CTIF: variants seen among roughly 807,000 people sequenced by gnomAD.
CTIF encodes the protein CBP80/20-dependent translation initiation factor.
CTIF carries 21 observed loss-of-function variants against 66.0 expected under a neutral mutation model. The observed-to-expected ratio is 0.32, with a 90% CI of 0.23 to 0.46. The LOEUF is 0.46. CTIF is among the 20% of genes least tolerant of loss of function. CTIF has a pLI of 1.00. For synonymous variants in CTIF, 345 were observed against 326.4 expected (o/e 1.06, Z -0.62); for missense variants, 739 against 812.7 (o/e 0.91, Z 1.10).
chr18:48,677,963 T>C (rs1459825948), intron 6 of CTIF, among the ~76,000 whole-genome samples: 2 of 152,210 alleles, frequency 1.3e-5, no homozygotes, highest in Non-Finnish European at 2.9e-5. Context: ...TTTATTCTAT[T>C]ATTATTTCAC....
intron 1 of CTIF, among the ~76,000 whole-genome samples, chr18:48,587,223 A>G (rs938600334): frequency 6.6e-6 from 1 of 151,948 alleles, no homozygotes; most frequent in African/African-American, 2.4e-5. Flanking sequence ...CTGGAACTAC[A>G]GGTGCGCACC....
chr18:48,833,265 G>A (rs1034842870), intron 10 of CTIF, among the ~76,000 whole-genome samples: 1 of 152,220 alleles, frequency 6.6e-6, no homozygotes, highest in Admixed American at 6.5e-5. Flanking sequence ...GTTGAGACTT[G>A]CTTGGCTAAC....
At chr18:48,593,373 ATCTTTTTTTTT>A (rs1210503850) in intron 1 of CTIF, among the ~76,000 whole-genome samples, 1 of 151,118 alleles carries the variant, frequency 6.6e-6, no homozygotes, top group East Asian at 1.9e-4. Flanking sequence ...GTAACTAGAA[ATCTTTTTTTTT>A]TCTTTTTTTT....
chr18:48,852,637 G>A (rs1424929074), intron 10 of CTIF, among the ~76,000 whole-genome samples: 1 of 152,238 alleles, frequency 6.6e-6, no homozygotes, highest in Non-Finnish European at 1.5e-5. Flanking sequence ...AGGGGTCACT[G>A]CCCCAGAGTA....
intron 7 of CTIF, among the ~76,000 whole-genome samples, chr18:48,757,461 G>A (rs950844502): frequency 2.0e-5 from 3 of 152,156 alleles, no homozygotes; most frequent in Admixed American, 6.5e-5. Flanking sequence ...GTCATTCATA[G>A]GAAGGTGCTT....
intron 2 of CTIF, among the ~76,000 whole-genome samples, chr18:48,626,252 C>T (rs1367597810): frequency 3.3e-5 from 5 of 152,134 alleles, no homozygotes; most frequent in Admixed American, 6.5e-5. Context: ...CCACCTGCCT[C>T]GGGCTCCTAA....
intron 7 of CTIF, among the ~76,000 whole-genome samples, chr18:48,726,683 C>T (rs1015902240): frequency 6.6e-6 from 1 of 152,092 alleles, no homozygotes; most frequent in Non-Finnish European, 1.5e-5. Context: ...ACACCAAGAT[C>T]GAAGCTGCAG....
intron 9 of CTIF, among the ~76,000 whole-genome samples, chr18:48,770,595 T>C (rs1359091278): frequency 6.6e-6 from 1 of 152,226 alleles, no homozygotes; most frequent in Non-Finnish European, 1.5e-5. Flanking sequence ...TGCAGCTTCA[T>C]GAATCAGGTC....
At chr18:48,840,370 G>A (rs919811829) in intron 10 of CTIF, among the ~76,000 whole-genome samples, 1 of 150,690 alleles carries the variant, frequency 6.6e-6, no homozygotes, top group African/African-American at 2.5e-5. Context: ...AGCCTGGTCA[G>A]TTGAACACAG....
intron 2 of CTIF, among the ~76,000 whole-genome samples, chr18:48,627,521 C>T (rs2090624580): frequency 1.3e-5 from 2 of 151,940 alleles, no homozygotes; most frequent in South Asian, 4.2e-4. Flanking sequence ...GAGTTCGAGG[C>T]CAGCCTGGGC....
intron 9 of CTIF, among the ~76,000 whole-genome samples, chr18:48,801,471 T>C (rs2068047978): frequency 6.6e-6 from 1 of 152,240 alleles, no homozygotes; most frequent in Non-Finnish European, 1.5e-5. Flanking sequence ...CATTGCAGCT[T>C]CCTTGAGGGA....
At chr18:48,824,149 A>G (rs1366703735) in intron 10 of CTIF, among the ~76,000 whole-genome samples, 3 of 152,252 alleles carry the variant, frequency 2.0e-5, no homozygotes, top group Non-Finnish European at 4.4e-5. Context: ...CAAAAGAAAT[A>G]CTTAGGAATA....
chr18:48,767,812 C>T (rs1315734136), intron 9 of CTIF, among the ~76,000 whole-genome samples: 1 of 152,174 alleles, frequency 6.6e-6, no homozygotes, highest in Non-Finnish European at 1.5e-5. Context: ...CTGGCTGGGT[C>T]ATCATCAAGC....
intron 6 of CTIF, among the ~76,000 whole-genome samples, chr18:48,706,283 A>G (rs991741868): frequency 2.0e-5 from 3 of 152,158 alleles, no homozygotes; most frequent in Non-Finnish European, 4.4e-5. Context: ...TCAGTATTGT[A>G]TCCACAGTGC....
In CTIF at chr18:48,590,168, A is replaced by G. The variant is rs532319097; in HGVS notation, c.-28-29370A>G. Among the ~76,000 whole-genome samples, 10 of 152,338 alleles carry G rather than the reference A, an allele frequency of 6.6e-5. No individual in the cohort carries two copies. In the South Asian group the frequency reaches 1.9e-3, roughly 28 times the overall value. On this transcript the variant is annotated intron_variant, in intron 1 of 11. Coordinates refer to ENST00000256413, the MANE Select transcript of CTIF (RefSeq NM_014772.3). ...CATAGCCGTGGAAGTTTGGGACCCAAGCCTCATGAGGCAGAAGCCTGGCTC... is the reference window on the plus strand; with the variant it reads ...CATAGCCGTGGAAGTTTGGGACCCAGGCCTCATGAGGCAGAAGCCTGGCTC...
At chr18:48,831,309 C>T (rs753753969) in intron 10 of CTIF, among the ~76,000 whole-genome samples, 11 of 152,388 alleles carry the variant, frequency 7.2e-5, no homozygotes, top group African/African-American at 2.2e-4. Flanking sequence ...AACCCTCCAC[C>T]GAGCTTCATA....
intron 5 of CTIF, among the ~76,000 whole-genome samples, chr18:48,666,848 C>A (rs1406291774): frequency 1.3e-5 from 2 of 152,192 alleles, no homozygotes; most frequent in African/African-American, 4.8e-5. Flanking sequence ...AGGGCTGGGC[C>A]TCCACACTTC....
At chr18:48,732,951 C>T (rs2092468938) in intron 7 of CTIF, among the ~76,000 whole-genome samples, 2 of 152,200 alleles carry the variant, frequency 1.3e-5, no homozygotes, top group South Asian at 4.1e-4. Flanking sequence ...TCACCATAAT[C>T]AGACAAGATT....
chr18:48,735,975 G>T (rs751849135), intron 7 of CTIF, among the ~76,000 whole-genome samples: 9 of 152,190 alleles, frequency 5.9e-5, no homozygotes, highest in Non-Finnish European at 1.2e-4. Flanking sequence ...CACCCGGGTG[G>T]TCTGGTGGTT....
Sources: allele counts gnomAD v4.1 joint callset (sites outside exome capture counted in the v4.1 genomes callset), GRCh38; gene constraint gnomAD v4.1.1; transcripts MANE v1.5; gene names NCBI Gene and HGNC (gene_info 2026-07-23, HGNC 2026-07-21).